STIM1: variants seen among roughly 807,000 people sequenced by gnomAD.
The protein encoded by STIM1 is stromal interaction molecule 1.
A neutral mutation model predicts 74.7 loss-of-function variants in STIM1; 25 were observed. The observed-to-expected ratio is 0.33, with a 90% CI of 0.24 to 0.47. The LOEUF (loss-of-function observed/expected upper bound fraction) is 0.47, where lower values mean the gene tolerates loss of function less well. Ranked by LOEUF, STIM1 falls within the 20% of genes least tolerant of loss-of-function variation. The pLI is 1.00. For synonymous variants in STIM1, 328 were observed against 348.8 expected (o/e 0.94, Z 0.66); for missense variants, 728 against 920.8 (o/e 0.79, Z 2.71).
chr11:4,037,061 C>CTT (rs369934998), intron 3 of STIM1, among the ~76,000 whole-genome samples: 6 of 145,316 alleles, frequency 4.1e-5, no homozygotes, highest in Non-Finnish European at 7.6e-5. Flanking sequence ...TTCTTTCTTT[C>CTT]TTTTTTTTTT....
At chr11:4,016,927 A>C (rs1457110556) in intron 2 of STIM1, among the ~76,000 whole-genome samples, 1 of 152,224 alleles carries the variant, frequency 6.6e-6, no homozygotes, top group African/African-American at 2.4e-5. Context: ...ACCGTGGGAA[A>C]AGTGCGGTAT....
chr11:3,983,175 C>T (rs2093523791), intron 2 of STIM1, among the ~76,000 whole-genome samples: 1 of 152,188 alleles, frequency 6.6e-6, no homozygotes, highest in Non-Finnish European at 1.5e-5. Context: ...TTCCAGTAAT[C>T]GGCCTGCCTT....
intron 1 of STIM1, among the ~76,000 whole-genome samples, chr11:3,924,061 T>G (rs1007422144): frequency 3.3e-5 from 5 of 151,998 alleles, no homozygotes; most frequent in African/African-American, 1.2e-4. Flanking sequence ...AGGCTGGTCT[T>G]GAACTTCTGG....
chr11:4,048,890 C>A (rs565310966), intron 3 of STIM1, among the ~76,000 whole-genome samples: 1 of 152,064 alleles, frequency 6.6e-6, no homozygotes, highest in Non-Finnish European at 1.5e-5. Context: ...CCCGCCACCA[C>A]GCCCAGTTAA....
intron 2 of STIM1, among the ~76,000 whole-genome samples, chr11:4,000,923 G>A (rs1353895585): frequency 1.3e-5 from 2 of 152,214 alleles, no homozygotes; most frequent in Non-Finnish European, 2.9e-5. Flanking sequence ...CAAGGCTCGA[G>A]AACTACGTGA....
intron 1 of STIM1, among the ~76,000 whole-genome samples, chr11:3,929,158 AT>A (rs1485332915): frequency 6.6e-6 from 1 of 152,204 alleles, no homozygotes; most frequent in Non-Finnish European, 1.5e-5. Flanking sequence ...TTCTTGTTAA[AT>A]TTTCTACAGA....
rs1334101173 is a variant in STIM1 at position 3,895,712 on chromosome 11, TTCTTTCTTTCTTTCTTTCTTTCTTTTTC to T, written c.139+39305_139+39332del. Among the ~76,000 whole-genome samples, 19 of 36,806 alleles carry T rather than the reference TTCTTTCTTTCTTTCTTTCTTTCTTTTTC, an allele frequency of 5.2e-4. 1 individual carries two copies. Among genetic ancestry groups the T allele is most frequent in the African/African-American group, 2.9e-3 (16 of 5,482 alleles). The allele number at this position is 36,806 out of a possible 152,430, so 24.1% of individuals were successfully genotyped here. On this transcript the variant is annotated intron_variant, in intron 1 of 12. Transcript: ENST00000526596. Reference sequence around the variant, plus strand: ...TTTCTTTCTTTCTTTCTTTCTTTCTTTCTTTCTTTCTTTCTTTCTTTCTTTTTCTTTCTTCCTTCCTTCCTTCCTTCCT... The same window carrying T: ...TTTCTTTCTTTCTTTCTTTCTTTCTTTTTCTTCCTTCCTTCCTTCCTTCCT...
chr11:3,903,890 G>A lies in STIM1; in HGVS notation c.139+47481G>A, dbSNP rs184625428. 2.6e-3 allele frequency among the ~76,000 whole-genome samples: 400 copies of A among 152,230 alleles called. 2 individuals are homozygous for A. Among genetic ancestry groups the A allele is most frequent in the African/African-American group, 9.1e-3 (377 of 41,534 alleles). On this transcript the variant is annotated intron_variant, in intron 1 of 12. Coordinates refer to ENST00000526596, the MANE Select transcript of STIM1 (RefSeq NM_001382567.1). ...GTACAGTGTCACAAGTGCTACAATA[G>A]AGGTACATAGAAAATGTCCTGGGAA...
intron 3 of STIM1, among the ~76,000 whole-genome samples, chr11:4,051,439 T>C (rs898076106): frequency 6.8e-6 from 1 of 148,084 alleles, no homozygotes; most frequent in Non-Finnish European, 1.5e-5. Context: ...GCTTCCCGAG[T>C]TCAAGCGATT....
At chr11:4,057,483 C>T (rs2094299013) in intron 4 of STIM1, among the ~76,000 whole-genome samples, 1 of 152,170 alleles carries the variant, frequency 6.6e-6, no homozygotes, top group Non-Finnish European at 1.5e-5. Context: ...TGAGAATAAT[C>T]TAGCAGATTT....
intron 1 of STIM1, among the ~76,000 whole-genome samples, chr11:3,937,319 A>ATAATAGTAATAG (rs55981710): frequency 6.7e-6 from 1 of 148,980 alleles, no homozygotes; most frequent in Non-Finnish European, 1.5e-5. Flanking sequence ...AATAATAATA[A>ATAATAGTAATAG]AATATCTGGA....
chr11:3,870,368 G>T (rs1286392878), intron 1 of STIM1, among the ~76,000 whole-genome samples: 1 of 152,120 alleles, frequency 6.6e-6, no homozygotes, highest in Admixed American at 6.6e-5. Context: ...TTGTAAGATC[G>T]TAACAAGATT....
chr11:3,889,931 A>G (rs1421033158), intron 1 of STIM1, among the ~76,000 whole-genome samples: 4 of 152,208 alleles, frequency 2.6e-5, no homozygotes, highest in Non-Finnish European at 5.9e-5. Context: ...AATATTAAGC[A>G]AAGACGGGCC....
chr11:4,091,385 A>C lies in STIM1; in HGVS notation c.1738A>C (p.Asn580His), dbSNP rs755851829. 6.2e-7 allele frequency: 1 copy of C among 1,614,046 alleles called. No homozygotes were observed. The highest frequency in any genetic ancestry group is 1.3e-5 in the African/African-American group (1 of 74,906). The part of the protein sequence containing the change: ...QMSRAADEAL[N>H]AMTSNGSHRL... Reference sequence around the variant, plus strand: ...GAGCCGTGCTGCAGACGAGGCTCTCAATGCCATGACTTCCAATGGCAGCCA... The same window carrying C: ...GAGCCGTGCTGCAGACGAGGCTCTCCATGCCATGACTTCCAATGGCAGCCA... The change falls in exon 13 of 13, where the codon AAT becomes CAT. Residue 580 changes from asparagine (N) to histidine (H), a missense_variant. By Grantham distance (68) the Asn-to-His change is moderately conservative. Coordinates refer to ENST00000526596, the MANE Select transcript of STIM1 (RefSeq NM_001382567.1).
At chr11:3,884,847 T>C (rs1414041582) in intron 1 of STIM1, among the ~76,000 whole-genome samples, 3 of 152,078 alleles carry the variant, frequency 2.0e-5, no homozygotes, top group Admixed American at 6.5e-5. Flanking sequence ...GAGTTAAGTG[T>C]TGATAGATGC....
intron 1 of STIM1, among the ~76,000 whole-genome samples, chr11:3,952,831 A>G (rs2093165799): frequency 6.6e-6 from 1 of 152,218 alleles, no homozygotes; most frequent in Non-Finnish European, 1.5e-5. Context: ...CATAGAAACA[A>G]AAGGGCAGGC....
At chr11:3,949,601 C>T (rs1322503586) in intron 1 of STIM1, among the ~76,000 whole-genome samples, 2 of 152,122 alleles carry the variant, frequency 1.3e-5, no homozygotes, top group Non-Finnish European at 2.9e-5. Flanking sequence ...TTACATGGAG[C>T]TCTTTGGAAT....
At chr11:3,926,325 A>G (rs979947745) in intron 1 of STIM1, among the ~76,000 whole-genome samples, 1 of 152,230 alleles carries the variant, frequency 6.6e-6, no homozygotes, top group Non-Finnish European at 1.5e-5. Flanking sequence ...ACCGAAATAC[A>G]TGACATACAG....
chr11:3,962,331 A>G (rs1033039766), intron 1 of STIM1, among the ~76,000 whole-genome samples: 5 of 152,036 alleles, frequency 3.3e-5, no homozygotes, highest in Non-Finnish European at 7.4e-5. Flanking sequence ...AGGTGGCAAT[A>G]TGTGATGTTT....
Sources: gnomAD v4.1 joint callset for allele counts (sites outside exome capture counted in the v4.1 genomes callset) on GRCh38, gnomAD v4.1.1 for gene constraint, MANE v1.5 for transcripts, NCBI Gene and HGNC (gene_info 2026-07-23, HGNC 2026-07-21) for gene names.